PBX1: variants seen among roughly 807,000 people sequenced by gnomAD.
PBX1 encodes PBX homeobox 1.
Under a neutral mutation model 53.4 loss-of-function variants are expected in PBX1, and 6 were observed. That is an observed-to-expected ratio of 0.11 (90% CI 0.06 to 0.22). The LOEUF (loss-of-function observed/expected upper bound fraction) is 0.22. Among genes scored for constraint, PBX1 ranks in the 10% least tolerant of loss-of-function variants. The pLI, the probability that PBX1 is intolerant of heterozygous loss-of-function variation, is 1.00. For missense variants in PBX1, 251 were observed against 551.4 expected, an observed-to-expected ratio of 0.46 and a Z score of 5.46; for synonymous variants, 204 against 212.3, an observed-to-expected ratio of 0.96 and a Z score of 0.34.
intron 8 of PBX1, among the ~76,000 whole-genome samples, chr1:164,835,366 G>T (rs1420325686): frequency 1.3e-5 from 2 of 151,800 alleles, no homozygotes; most frequent in Admixed American, 1.3e-4. Context: ...AGATCAAAGG[G>T]TATGCATAAG....
At chr1:164,783,272 G>C (rs1310686125) in intron 2 of PBX1, among the ~76,000 whole-genome samples, 1 of 151,112 alleles carries the variant, frequency 6.6e-6, no homozygotes, top group Non-Finnish European at 1.5e-5. Flanking sequence ...AAAGATGAGA[G>C]AAAGAAGACC....
chr1:164,880,270 G>T (rs1400882836), intron 2 of PBX1, among the ~76,000 whole-genome samples: 1 of 152,180 alleles, frequency 6.6e-6, no homozygotes, highest in Non-Finnish European at 1.5e-5. Context: ...ATGGTGTTTA[G>T]TTCCTGCCCT....
At chr1:164,616,492 A>G (rs951354069) in intron 2 of PBX1, among the ~76,000 whole-genome samples, 1 of 152,190 alleles carries the variant, frequency 6.6e-6, no homozygotes, top group Non-Finnish European at 1.5e-5. Context: ...ATATTCCTGG[A>G]AATATACCAG....
At chr1:164,590,388 T>TG (rs1252512967) in intron 2 of PBX1, 7 of 455,950 alleles carry the variant, frequency 1.5e-5, no homozygotes, top group Non-Finnish European at 3.1e-5. Context: ...CTTGCTCACT[T>TG]GCACTGCTTG....
intron 2 of PBX1, among the ~76,000 whole-genome samples, chr1:164,759,008 A>C (rs1666671409): frequency 6.6e-6 from 1 of 152,232 alleles, no homozygotes; most frequent in African/African-American, 2.4e-5. Context: ...GGAGATAGTA[A>C]CTGTAAAGGG....
intron 2 of PBX1, among the ~76,000 whole-genome samples, chr1:164,633,605 C>T (rs1311423913): frequency 6.6e-6 from 1 of 152,168 alleles, no homozygotes; most frequent in African/African-American, 2.4e-5. Flanking sequence ...TACTGAATTA[C>T]CTGAGCCTTT....
chr1:164,586,194 G>A (rs991170038), intron 2 of PBX1, among the ~76,000 whole-genome samples: 1 of 152,202 alleles, frequency 6.6e-6, no homozygotes, highest in Non-Finnish European at 1.5e-5. Flanking sequence ...TTGCTGTAAT[G>A]TGTTCAGACA....
intron 2 of PBX1, among the ~76,000 whole-genome samples, chr1:164,879,171 T>C (rs552846348): frequency 3.3e-5 from 5 of 152,322 alleles, no homozygotes; most frequent in African/African-American, 1.2e-4. Flanking sequence ...TCACTAAAGA[T>C]TTGAAATTTA....
chr1:164,800,729 G>T (rs1390199993), intron 4 of PBX1, among the ~76,000 whole-genome samples: 1 of 152,120 alleles, frequency 6.6e-6, no homozygotes, highest in Non-Finnish European at 1.5e-5. Flanking sequence ...AATACATTTT[G>T]ATTATGGGTA....
chr1:164,834,320 T>A (rs1160311523), intron 8 of PBX1, among the ~76,000 whole-genome samples: 1 of 151,780 alleles, frequency 6.6e-6, no homozygotes, highest in Admixed American at 6.6e-5. Context: ...TTGTTTAGCC[T>A]GTTTCCATTG....
intron 6 of PBX1, chr1:164,818,343 G>A (rs1040272325): frequency 2.0e-5 from 3 of 152,130 alleles, no homozygotes; most frequent in African/African-American, 7.2e-5. Context: ...AGCCACACCT[G>A]GCCAGATCTT....
intron 2 of PBX1, among the ~76,000 whole-genome samples, chr1:164,877,213 C>A (rs1414091195): frequency 2.7e-5 from 4 of 149,568 alleles, no homozygotes; most frequent in African/African-American, 4.9e-5. Context: ...CCATTCAGAT[C>A]AAAATCCTCC....
intron 3 of PBX1, among the ~76,000 whole-genome samples, chr1:164,793,501 A>G (rs983965292): frequency 6.6e-6 from 1 of 152,156 alleles, no homozygotes; most frequent in Admixed American, 6.5e-5. Flanking sequence ...CATAAAACTT[A>G]TATAAAGGAA....
At chr1:164,578,353 G>GA (rs1654398449) in intron 2 of PBX1, among the ~76,000 whole-genome samples, 1 of 152,156 alleles carries the variant, frequency 6.6e-6, no homozygotes, top group Non-Finnish European at 1.5e-5. Flanking sequence ...GTTGTATAGT[G>GA]AAAAAGTTAA....
intron 1 of PBX1, chr1:164,560,234 G>C (rs2275559): frequency 0.17 from 71,519 of 421,936 alleles, 7,298 homozygotes; most frequent in African/African-American, 0.39. Flanking sequence ...GTACATATTT[G>C]TGTGTGTGTG....
chr1:164,750,216 GCTAA>G lies in PBX1; in HGVS notation c.266-42275_266-42272del, dbSNP rs571439981. Among the ~76,000 whole-genome samples, 335 of 149,100 alleles carry G rather than the reference GCTAA, an allele frequency of 2.2e-3. 2 individuals are homozygous for G. Among genetic ancestry groups the G allele is most frequent in the African/African-American group, 6.5e-3 (263 of 40,400 alleles). On this transcript the variant is annotated intron_variant, in intron 2 of 8. Transcript: ENST00000420696. ...CATGTGCATTCCCTGAATGCTCATTGCTAACTGTGTGTTGGCCTTTCTTACTAAA... is the reference window on the plus strand; with the variant it reads ...CATGTGCATTCCCTGAATGCTCATTGCTGTGTGTTGGCCTTTCTTACTAAA...
intron 2 of PBX1, among the ~76,000 whole-genome samples, chr1:164,868,247 C>A (rs1350619172): frequency 6.6e-6 from 1 of 152,122 alleles, no homozygotes; most frequent in Admixed American, 6.6e-5. Flanking sequence ...AGTGTCCGCC[C>A]CGAGATATTC....
intron 2 of PBX1, among the ~76,000 whole-genome samples, chr1:164,634,767 G>A (rs1288129006): frequency 6.6e-6 from 1 of 152,120 alleles, no homozygotes; most frequent in Non-Finnish European, 1.5e-5. Flanking sequence ...AGGGAAATAA[G>A]TTCTTTGGGA....
chr1:164,871,621 C>T (rs994090907), intron 2 of PBX1, among the ~76,000 whole-genome samples: 1 of 152,190 alleles, frequency 6.6e-6, no homozygotes, highest in African/African-American at 2.4e-5. Flanking sequence ...ATTAGCATTT[C>T]CCAGAGCCTT....
Sources: allele counts gnomAD v4.1 joint callset (sites outside exome capture counted in the v4.1 genomes callset), GRCh38; gene constraint gnomAD v4.1.1; transcripts MANE v1.5; gene names NCBI Gene and HGNC (gene_info 2026-07-23, HGNC 2026-07-21).